CASD1: variants seen among roughly 807,000 people sequenced by gnomAD.
CASD1 encodes the protein N-acetylneuraminate (7)9-O-acetyltransferase.
A neutral mutation model predicts 100.0 loss-of-function variants in CASD1; 41 were observed. The observed-to-expected ratio is 0.41, with a 90% CI of 0.32 to 0.53. The LOEUF (loss-of-function observed/expected upper bound fraction) is 0.53, where lower values mean the gene tolerates loss of function less well. Among genes scored for constraint, CASD1 ranks in the 20% least tolerant of loss-of-function variants. CASD1 has a pLI of 0.25. For synonymous variants in CASD1, 321 were observed against 315.6 expected (o/e 1.02, Z -0.18); for missense variants, 774 against 948.7 (o/e 0.82, Z 2.42).
At chr7:94,549,487 A>G (rs753418567) in intron 13 of CASD1, 46 bp from the exon 14 acceptor site, 3 of 1,351,024 alleles carry the variant, frequency 2.2e-6, no homozygotes, top group Admixed American at 3.9e-5. Flanking sequence ...CAAAGCAAAT[A>G]TTGACTTGTA....
chr7:94,586,158 C>A, the CASD1 span, among the ~76,000 whole-genome samples: 2 of 148,926 alleles, frequency 1.3e-5, no homozygotes, highest in Non-Finnish European at 3.0e-5. Flanking sequence ...TACTTGGTAT[C>A]CAAGACGCAA....
At position 94,556,435 on chromosome 7, in the gene CASD1, ATTG is replaced by A. The variant is rs1796207013; in HGVS notation, c.*681_*683del. On this transcript the variant is annotated 3_prime_UTR_variant, in exon 18 of 18. Transcript: ENST00000297273. ...ACAGGGTTTTGTCATTGTTGATGTTATTGTTGCTTCGTTTTATAAAAAAGCCAA... is the reference window on the plus strand; with the variant it reads ...ACAGGGTTTTGTCATTGTTGATGTTATTGCTTCGTTTTATAAAAAAGCCAA... The A allele has an allele frequency of 6.6e-6, 1 of 151,952 alleles. No individual in the cohort carries two copies. Among genetic ancestry groups the A allele is most frequent in the Non-Finnish European group, 1.5e-5 (1 of 67,908 alleles). 9.4% of individuals were successfully genotyped at this position (151,952 alleles called of 1,614,324 possible). A position where few individuals can be genotyped will look rare whatever the true frequency, so the allele number is the denominator to read the frequency against.
At position 94,555,515 on chromosome 7, in the gene CASD1, A is replaced by G. The variant is rs1796158096; in HGVS notation, c.2151A>G (p.Ile717Met). 1 of 1,612,982 alleles carries G rather than the reference A, an allele frequency of 6.2e-7. No homozygotes were observed. Among genetic ancestry groups the G allele is most frequent in the Non-Finnish European group, 8.5e-7 (1 of 1,179,464 alleles). The change falls in exon 18 of 18, where the codon ATA (isoleucine) becomes ATG (methionine). Residue 717 changes from isoleucine (I) to methionine (M), a missense_variant. Ile to Met is a conservative substitution (Grantham distance 10). Around this residue, in one of 5 missense-constraint regions of CASD1, gnomAD observed 175 missense variants for 206.9 expected, o/e 0.85. Coordinates refer to ENST00000297273, the MANE Select transcript of CASD1 (RefSeq NM_022900.5). The stretch of plus-strand genomic sequence containing the variant: ...AGCTATTTATTTGCCAGTATCACAT[A>G]TGGCTGGCAGCGGACACAAGGGGTA... ...SLELFICQYH[I>M]WLAADTRGIL...
the CASD1 span, chr7:94,626,420 A>T: frequency 6.6e-6 from 1 of 152,008 alleles, no homozygotes; most frequent in East Asian, 1.9e-4. Context: ...TGTAATCCCT[A>T]ATCTACCTAG....
intron 1 of CASD1, among the ~76,000 whole-genome samples, chr7:94,511,544 A>C (rs1793707039): frequency 1.3e-5 from 2 of 152,158 alleles, no homozygotes; most frequent in African/African-American, 4.8e-5. Flanking sequence ...ACGACCTTGC[A>C]AGGCCTTGGT....
Position 94,517,555 on chromosome 7 carries a change from T to G in CASD1, c.134-5T>G. On this transcript the variant is annotated splice_polypyrimidine_tract_variant and splice_region_variant and intron_variant, in intron 1 of 17. Coordinates refer to ENST00000297273, the MANE Select transcript of CASD1 (RefSeq NM_022900.5). ...TTACAACACTGTTGTGTTTAACTGT[T>G]TTAGGCAATGATTCGTGTGAATACC... The G allele has an allele frequency of 6.3e-7, 1 of 1,597,264 alleles. No homozygotes were observed. The highest frequency in any genetic ancestry group is 8.6e-7 in the Non-Finnish European group (1 of 1,167,178).
intron 15 of CASD1, 120 bp from the exon 16 acceptor site, chr7:94,552,230 T>C (rs1795984196): frequency 2.9e-6 from 2 of 698,072 alleles, no homozygotes; most frequent in Admixed American, 3.1e-5. Context: ...ACTGATAGTT[T>C]TTACATAGCA....
At chr7:94,623,737 C>CA in the CASD1 span, 5,479 of 316,198 alleles carry the variant, frequency 0.017, no homozygotes, top group Middle Eastern at 0.024. Context: ...TCTAAGATTT[C>CA]AAAAAAAAAA....
At chr7:94,510,309 C>T in intron 1 of CASD1, 92 bp downstream of exon 1, 4 of 982,932 alleles carry the variant, frequency 4.1e-6, no homozygotes, top group Non-Finnish European at 5.4e-6. Flanking sequence ...CACACGCCCA[C>T]GCGGCCTTCC....
chr7:94,604,807 ATATATATATAT>A, the CASD1 span, among the ~76,000 whole-genome samples: 1 of 2,908 alleles, frequency 3.4e-4, no homozygotes, highest in African/African-American at 1.3e-3. Context: ...TGGTGCTGGA[ATATATATATAT>A]ATATATATAT....
Position 94,537,489 on chromosome 7 carries a change from G to C in CASD1, c.861G>C (p.Met287Ile). The change falls in exon 9 of 18, where the codon ATG (methionine) becomes ATC (isoleucine). Residue 287 changes from methionine (M) to isoleucine (I), a missense_variant. Transcript: ENST00000297273. The part of the protein sequence containing the change: ...SSRETTAMIL[M>I]NVYCNKILKP... ...GTTCACAGACTGCAATGATTCTTAT[G>C]AATGTGTATTGCAATAAGATTTTGA... 1 of 1,606,116 alleles carries C rather than the reference G, an allele frequency of 6.2e-7. No homozygotes were observed. The highest frequency in any genetic ancestry group is 8.5e-7 in the Non-Finnish European group (1 of 1,176,826).
chr7:94,629,402 T>C, the CASD1 span: 1 of 275,940 alleles, frequency 3.6e-6, no homozygotes, highest in Non-Finnish European at 7.0e-6. Flanking sequence ...TATGTGAGAA[T>C]CTAGGTCTTA....
the CASD1 span, chr7:94,586,588 C>CT: frequency 1.3e-5 from 2 of 152,470 alleles, no homozygotes; most frequent in African/African-American, 4.8e-5. Context: ...CAACCTCCAC[C>CT]TCCCAGGTTC....
chr7:94,567,647 G>A, the CASD1 span, among the ~76,000 whole-genome samples: 4 of 152,174 alleles, frequency 2.6e-5, no homozygotes, highest in Non-Finnish European at 1.5e-5. Context: ...AAATAGGAAT[G>A]TCTACTGTTG....
chr7:94,618,717 A>T, the CASD1 span: 1 of 1,534,140 alleles, frequency 6.5e-7, no homozygotes. Context: ...CACCGTATTT[A>T]AAAATCTATA....
At chr7:94,604,987 A>G in the CASD1 span, among the ~76,000 whole-genome samples, 1 of 151,474 alleles carries the variant, frequency 6.6e-6, no homozygotes, top group East Asian at 1.9e-4. Context: ...AAGATTGAAA[A>G]CTAATCATAG....
At chr7:94,524,805 C>T (rs1794473980) in intron 3 of CASD1, among the ~76,000 whole-genome samples, 1 of 151,866 alleles carries the variant, frequency 6.6e-6, no homozygotes, top group African/African-American at 2.4e-5. Context: ...CTGAGCTGTG[C>T]AAGTTTTTAA....
intron 8 of CASD1, among the ~76,000 whole-genome samples, chr7:94,536,292 C>A (rs1795116668): frequency 6.6e-6 from 1 of 152,116 alleles, no homozygotes; most frequent in African/African-American, 2.4e-5. Flanking sequence ...AAGCATTATT[C>A]AAGATACAGA....
At chr7:94,605,312 T>C in the CASD1 span, among the ~76,000 whole-genome samples, 12 of 150,076 alleles carry the variant, frequency 8.0e-5, no homozygotes, top group African/African-American at 1.5e-4. Flanking sequence ...GAAAATGATA[T>C]AAGTCAGAAA....
Sources: gnomAD v4.1 joint callset for allele counts (sites outside exome capture counted in the v4.1 genomes callset) on GRCh38, gnomAD v4.1.1 for gene constraint, gnomAD v4.1.1 regional missense constraint, MANE v1.5 for transcripts, NCBI Gene and HGNC (gene_info 2026-07-23, HGNC 2026-07-21) for gene names.